Variants in FADS2 observed in about 807,000 individuals in gnomAD.
FADS2 encodes the protein fatty acid desaturase 2.
In FADS2, 18 loss-of-function variants were observed where a neutral mutation model predicts 61.2. The observed-to-expected ratio is 0.29, with a 90% CI of 0.20 to 0.44. The LOEUF (loss-of-function observed/expected upper bound fraction) is 0.44, where lower values mean the gene tolerates loss of function less well. FADS2 is among the 20% of genes least tolerant of loss of function. FADS2 has a pLI of 1.00. For missense variants in FADS2, 322 were observed against 572.7 expected, an observed-to-expected ratio of 0.56 and a Z score of 4.47; for synonymous variants, 203 against 223.9, an observed-to-expected ratio of 0.91 and a Z score of 0.83.
At chr11:61,825,644 G>A (rs1294523987), upstream of FADS2, among the ~76,000 whole-genome samples, 1 of 143,616 alleles carries the variant, frequency 7.0e-6, no homozygotes, top group Non-Finnish European at 1.5e-5. Context: ...GAAAGAAAAA[G>A]CCCTTTGGGA....
intron 5 of FADS2, among the ~76,000 whole-genome samples, chr11:61,852,757 T>C (rs2067318168): frequency 1.3e-5 from 2 of 152,248 alleles, no homozygotes; most frequent in African/African-American, 4.8e-5. Context: ...AGTTATCTTT[T>C]GTCCCGCTAG....
intron 1 of FADS2, chr11:61,817,206 C>T (rs1285594591): frequency 2.6e-5 from 3 of 116,210 alleles, no homozygotes; most frequent in Non-Finnish European, 5.1e-5. Context: ...GAAGGGTGGG[C>T]GGGGCCGGGG....
At chr11:61,849,421 A>G (rs2067287639) in intron 5 of FADS2, among the ~76,000 whole-genome samples, 1 of 152,218 alleles carries the variant, frequency 6.6e-6, no homozygotes, top group Non-Finnish European at 1.5e-5. Flanking sequence ...CTCTAAAAAA[A>G]TACATATTTT....
chr11:61,864,278 A>G (rs1177562433), intron 10 of FADS2: 3 of 152,614 alleles, frequency 2.0e-5, no homozygotes, highest in African/African-American at 4.8e-5. Context: ...TTCTTGGCTC[A>G]CTGCAGCCTC....
At chr11:61,857,361 C>T (rs1054291012) in intron 6 of FADS2, 93 bp from the exon 7 acceptor site, 7 of 1,153,790 alleles carry the variant, frequency 6.1e-6, no homozygotes, top group African/African-American at 4.5e-5. Flanking sequence ...GCAGGGCTGG[C>T]CCCTGCACTC....
chr11:61,840,536 G>A lies in FADS2; in HGVS notation c.516+5G>A, dbSNP rs1254478523. 6.2e-7 allele frequency: 1 copy of A among 1,614,144 alleles called. No homozygotes were observed. The highest frequency in any genetic ancestry group is 1.1e-5 in the South Asian group (1 of 91,074). ...TTTGTCCTTGCTACCTCTCAGGTGA[G>A]GCGTGACACCCTCACTTCCCCTAGC... On this transcript the variant is annotated splice_donor_5th_base_variant and intron_variant, in intron 3 of 11. Transcript: ENST00000278840.
rs1438619241 is a variant in FADS2 at position 61,867,134 on chromosome 11, G to C, written c.*1445G>C. On this transcript the variant is annotated 3_prime_UTR_variant, in exon 12 of 12. Transcript: ENST00000278840. ...GGCAGGCACCAACAACTCAGAATGGGGGCTTTCGGGGAGGGCGCCTAGTCC... is the reference window on the plus strand; with the variant it reads ...GGCAGGCACCAACAACTCAGAATGGCGGCTTTCGGGGAGGGCGCCTAGTCC... 6.6e-6 allele frequency: 1 copy of C among 152,240 alleles called. No homozygotes were observed. The highest frequency in any genetic ancestry group is 1.9e-4 in the East Asian group (1 of 5,248). 9.4% of individuals were successfully genotyped at this position (152,240 alleles called of 1,614,324 possible). A position where few individuals can be genotyped will look rare whatever the true frequency, so the allele number is the denominator to read the frequency against.
At chr11:61,828,216 C>G (rs1008896358), upstream of FADS2, 61 of 1,431,440 alleles carry the variant, frequency 4.3e-5, no homozygotes, top group Admixed American at 5.7e-5. The surrounding 1 kb of genome is among the most constrained non-coding windows in gnomAD (Gnocchi z 6.4). Context: ...GGGACACTCC[C>G]GAGCGCAGGC....
intron 7 of FADS2, among the ~76,000 whole-genome samples, chr11:61,857,788 C>G (rs563045272): frequency 6.6e-6 from 1 of 152,194 alleles, no homozygotes; most frequent in South Asian, 2.1e-4. Context: ...CGAGAAAGTT[C>G]TCAAAGGCAG....
At chr11:61,837,234 T>C (rs1466479453) in intron 1 of FADS2, among the ~76,000 whole-genome samples, 1 of 152,240 alleles carries the variant, frequency 6.6e-6, no homozygotes, top group Non-Finnish European at 1.5e-5. Context: ...CTCCTAGGCT[T>C]TTTTTCAGGA....
At chr11:61,826,067 G>A (rs2067082544), upstream of FADS2, 1 of 702,536 alleles carries the variant, frequency 1.4e-6, no homozygotes, top group Non-Finnish European at 2.6e-6. Context: ...CCCAGCCTCT[G>A]GAGTTATCTT....
upstream of FADS2, among the ~76,000 whole-genome samples, chr11:61,823,430 C>G (rs2135948667): frequency 6.6e-6 from 1 of 152,336 alleles, no homozygotes. Flanking sequence ...CAGATGCTTT[C>G]CAGCACTAGC....
chr11:61,828,205 A>G (rs1169434069), upstream of FADS2: 4 of 1,426,706 alleles, frequency 2.8e-6, no homozygotes, highest in African/African-American at 4.3e-5. This position sits in a 1 kb window ranked among gnomAD's most constrained non-coding sequence, Gnocchi z 6.4. Context: ...CCAGGAAGGC[A>G]GGGACACTCC....
chr11:61,850,008 G>C (rs556475203), intron 5 of FADS2, among the ~76,000 whole-genome samples: 2 of 152,230 alleles, frequency 1.3e-5, no homozygotes, highest in East Asian at 1.9e-4. Flanking sequence ...CTCCAGCGGG[G>C]ACAGAAGAGG....
upstream of FADS2, among the ~76,000 whole-genome samples, chr11:61,824,305 C>T (rs753201781): frequency 5.3e-5 from 8 of 150,106 alleles, no homozygotes; most frequent in Non-Finnish European, 8.9e-5. Flanking sequence ...TCGCTTGAAC[C>T]CGGGAGGCAG....
At chr11:61,821,761 A>T (rs1169982108) in intron 1 of FADS2, among the ~76,000 whole-genome samples, 1 of 152,276 alleles carries the variant, frequency 6.6e-6, no homozygotes, top group Non-Finnish European at 1.5e-5. Context: ...AGTCATCTGT[A>T]ATAATTCTGC....
At chr11:61,851,250 A>G (rs1015361265) in intron 5 of FADS2, among the ~76,000 whole-genome samples, 4 of 152,204 alleles carry the variant, frequency 2.6e-5, no homozygotes, top group African/African-American at 9.7e-5. Flanking sequence ...TGTGTCTCCA[A>G]CAAAGAAAGT....
At chr11:61,837,717 T>G in intron 1 of FADS2, 61 bp from the exon 2 acceptor site, 1 of 1,207,228 alleles carries the variant, frequency 8.3e-7, no homozygotes, top group Non-Finnish European at 1.2e-6. Context: ...ACTGTCCTCC[T>G]TGGGGCCCAA....
upstream of FADS2, among the ~76,000 whole-genome samples, chr11:61,823,879 T>C (rs572995885): frequency 1.1e-4 from 16 of 152,338 alleles, no homozygotes; most frequent in African/African-American, 3.8e-4. Context: ...TTGATGCACT[T>C]ACTAAGTTGA....
Sources: allele counts gnomAD v4.1 joint callset (sites outside exome capture counted in the v4.1 genomes callset), GRCh38; gene constraint gnomAD v4.1.1; non-coding constraint Gnocchi (gnomAD v3.1); transcripts MANE v1.5; gene names NCBI Gene and HGNC (gene_info 2026-07-23, HGNC 2026-07-21).